ZNF75D: variants seen among roughly 807,000 people sequenced by gnomAD.
ZNF75D encodes zinc finger protein 75D.
A neutral mutation model predicts 33.3 loss-of-function variants in ZNF75D; 33 were observed. The observed-to-expected ratio is 0.99, with a 90% CI of 0.75 to 1.32. ZNF75D has a LOEUF of 1.32. Among genes scored for constraint, ZNF75D ranks in the 40% most tolerant of loss-of-function variants. The pLI, the probability that ZNF75D is intolerant of heterozygous loss-of-function variation, is 0.00. For missense variants in ZNF75D, 338 were observed against 367.5 expected (o/e 0.92, Z 0.66); for synonymous variants, 113 against 130.6 (o/e 0.87, Z 0.92).
intron 1 of ZNF75D, among the ~76,000 whole-genome samples, chrX:135,338,395 T>C (rs1253709645): frequency 8.9e-6 from 1 of 112,244 alleles, no homozygotes; most frequent in African/African-American, 3.2e-5. Flanking sequence ...AAGCATGCGA[T>C]TACAAGTACA....
chrX:135,268,801 G>T (rs1430624957), intron 1 of ZNF75D, among the ~76,000 whole-genome samples: 1 of 111,491 alleles, frequency 9.0e-6, no homozygotes, highest in East Asian at 2.8e-4. Flanking sequence ...GCTGTCCTGA[G>T]CAAAAAGAAG....
At chrX:135,330,150 G>A (rs782185728) in intron 1 of ZNF75D, among the ~76,000 whole-genome samples, 11 of 112,089 alleles carry the variant, frequency 9.8e-5, no homozygotes, top group East Asian at 2.8e-4. Context: ...ATACAGACCC[G>A]TGTGTATGAC....
rs200181900 is a variant in ZNF75D at position 135,287,433 on chromosome X, T to C, written c.1237A>G (p.Met413Val). 3.3e-6 allele frequency: 4 copies of C among 1,211,874 alleles called. No homozygotes were observed. The highest frequency in any genetic ancestry group is 3.4e-6 in the Non-Finnish European group (3 of 895,494). ...TATGGTTTTATTCCTTGATGGGTCA[T>C]GAAGTGCTTATTAAGATCTGAACTC... is the stretch of plus-strand genomic sequence containing the variant. ...RWSSDLNKHFMTHQGIKPYRC... is the reference protein window; with the variant it reads ...RWSSDLNKHFVTHQGIKPYRC... The change falls in exon 7 of 7, where the codon ATG becomes GTG. Residue 413 changes from methionine to valine, a missense_variant. By Grantham distance (21) the Met-to-Val change is conservative. This residue lies in a region of ZNF75D where 79 missense variants were observed against 80.1 expected (regional missense o/e 0.99). Transcript: ENST00000370766.
In ZNF75D at chrX:135,313,718, A is replaced by T. The variant is rs540555721; in HGVS notation, c.-390-17679T>A. ...AGAAATCTTTCATCTCCCTGGTTAA[A>T]TTTATTCCTAGGTATTTTATATTTT... On this transcript the variant is annotated intron_variant, in intron 1 of 6. Coordinates refer to ENST00000370766, the MANE Select transcript of ZNF75D (RefSeq NM_007131.5). Among the ~76,000 whole-genome samples the T allele has an allele frequency of 1.2e-4, 13 of 111,117 alleles. No individual in the cohort carries two copies. The South Asian group carries it at 4.5e-3, about 39-fold the overall frequency.
At position 135,343,453 on chromosome X, in the gene ZNF75D, T is replaced by C. The variant is rs1044201437; in HGVS notation, c.-2076A>G. 2 of 133,253 alleles carry C rather than the reference T, an allele frequency of 1.5e-5. No homozygotes were observed. Among genetic ancestry groups the C allele is most frequent in the Non-Finnish European group, 3.1e-5 (2 of 63,821 alleles). The allele number at this position is 133,253 out of a possible 1,213,427, so 11.0% of individuals were successfully genotyped here. A position where few individuals can be genotyped will look rare whatever the true frequency, so the allele number is the denominator to read the frequency against. On this transcript the variant is annotated 5_prime_UTR_variant, in exon 1 of 7. An upstream open reading frame in the 5' UTR loses its in-frame stop. Transcript: ENST00000370766. The stretch of plus-strand genomic sequence containing the variant: ...CCATGGAGCGCATCTCAGGCCAAAG[T>C]CACCCATGGCGAAACTCCCATGGCG...
chrX:135,286,360 T>C lies in ZNF75D; in HGVS notation c.*777A>G, dbSNP rs1329901245. ...AAAAAGACCATTTACCACTTATCTG[T>C]GCTTTCTACAAAAAAAAACCAGATA... On this transcript the variant is annotated 3_prime_UTR_variant, in exon 7 of 7. Transcript: ENST00000370766. 9.0e-6 allele frequency: 1 copy of C among 111,695 alleles called. No homozygotes were observed. The highest frequency in any genetic ancestry group is 1.9e-5 in the Non-Finnish European group (1 of 53,089). 9.2% of individuals were successfully genotyped at this position (111,695 alleles called of 1,213,427 possible).
chrX:135,273,808 C>T (rs145987599), intron 1 of ZNF75D, among the ~76,000 whole-genome samples: 2,287 of 111,912 alleles, frequency 0.02, 20 homozygotes, highest in Non-Finnish European at 0.023. Flanking sequence ...GGCCCCCATA[C>T]TGTTTGGAAT....
intron 1 of ZNF75D, chrX:135,330,673 G>A (rs1401897177): frequency 8.9e-6 from 1 of 112,619 alleles, no homozygotes; most frequent in Admixed American, 9.4e-5. Context: ...TGCCTACACA[G>A]AATCTTGGAA....
downstream of ZNF75D, among the ~76,000 whole-genome samples, chrX:135,283,918 G>A (rs921960726): frequency 1.8e-5 from 2 of 111,742 alleles, no homozygotes; most frequent in African/African-American, 3.3e-5. Flanking sequence ...GCAAGCAATG[G>A]CATTCGGCTC....
intron 1 of ZNF75D, chrX:135,298,295 T>C (rs1010730140): frequency 7.1e-5 from 8 of 111,968 alleles, no homozygotes; most frequent in African/African-American, 2.6e-4. Flanking sequence ...AAGGAAGTTG[T>C]TCAAAAAAAG....
intron 1 of ZNF75D, among the ~76,000 whole-genome samples, chrX:135,323,905 G>A (rs2084527855): frequency 9.0e-6 from 1 of 110,733 alleles, no homozygotes; most frequent in Non-Finnish European, 1.9e-5. Flanking sequence ...GAGCCAGTGA[G>A]GAAGCCAAAC....
intron 1 of ZNF75D, among the ~76,000 whole-genome samples, chrX:135,301,389 A>G (rs1236743454): frequency 9.0e-6 from 1 of 111,356 alleles, no homozygotes; most frequent in Non-Finnish European, 1.9e-5. Flanking sequence ...AAACACAATC[A>G]TGCCTTCCCA....
intron 1 of ZNF75D, among the ~76,000 whole-genome samples, chrX:135,303,409 CCA>C (rs1232086358): frequency 8.9e-6 from 1 of 111,862 alleles, no homozygotes; most frequent in African/African-American, 3.3e-5. Flanking sequence ...CTGCGGCCTA[CCA>C]CAGTGTTTTG....
chrX:135,335,430 T>C (rs1237727021), intron 1 of ZNF75D, among the ~76,000 whole-genome samples: 1 of 111,134 alleles, frequency 9.0e-6, no homozygotes, highest in African/African-American at 3.3e-5. Flanking sequence ...TCCCTGAAGT[T>C]GCCTTCTCAC....
intron 1 of ZNF75D, among the ~76,000 whole-genome samples, chrX:135,264,078 C>A (rs969588783): frequency 2.7e-5 from 3 of 111,522 alleles, no homozygotes; most frequent in Non-Finnish European, 3.8e-5. Context: ...TGAGACTGGG[C>A]AATTTATGAA....
At chrX:135,338,576 T>C (rs192233409) in intron 1 of ZNF75D, among the ~76,000 whole-genome samples, 1 of 111,959 alleles carries the variant, frequency 8.9e-6, no homozygotes, top group East Asian at 2.8e-4. Flanking sequence ...TCTGCAGATG[T>C]TGACACTTTC....
At chrX:135,266,421 A>G (rs1277490729) in intron 1 of ZNF75D, among the ~76,000 whole-genome samples, 1 of 111,746 alleles carries the variant, frequency 8.9e-6, no homozygotes, top group Non-Finnish European at 1.9e-5. Flanking sequence ...CTGAAAATAA[A>G]AAGATGTAAA....
rs186944858 is a variant in ZNF75D at position 135,329,023 on chromosome X, T to C, written c.-391+12745A>G. 2.4e-3 allele frequency among the ~76,000 whole-genome samples: 272 copies of C among 112,275 alleles called. 1 individual carries two copies. The highest frequency in any genetic ancestry group is 7.9e-3 in the African/African-American group (245 of 30,924). On this transcript the variant is annotated intron_variant, in intron 1 of 6. Coordinates refer to ENST00000370766, the MANE Select transcript of ZNF75D (RefSeq NM_007131.5). ...CTTGCACACATATTCTCATGCTTTTTTGTGGAAATACACTCAAAAATGACA... is the reference window on the plus strand; with the variant it reads ...CTTGCACACATATTCTCATGCTTTTCTGTGGAAATACACTCAAAAATGACA...
chrX:135,264,992 G>A (rs1035165127), intron 1 of ZNF75D, among the ~76,000 whole-genome samples: 7 of 112,096 alleles, frequency 6.2e-5, no homozygotes, highest in Admixed American at 2.8e-4. Flanking sequence ...AGGCCAAGGC[G>A]GGCAGATCAC....
Sources: gnomAD v4.1 joint callset for allele counts (sites outside exome capture counted in the v4.1 genomes callset) on GRCh38, gnomAD v4.1.1 for gene constraint, gnomAD v4.1.1 regional missense constraint, MANE v1.5 for transcripts, NCBI Gene and HGNC (gene_info 2026-07-23, HGNC 2026-07-21) for gene names.